Variants in IGSF21 observed in about 807,000 individuals in gnomAD.
The protein encoded by IGSF21 is immunoglobulin superfamily member 21.
Under a neutral mutation model 46.8 loss-of-function variants are expected in IGSF21, and 28 were observed. The observed-to-expected ratio is 0.60, with a 90% confidence interval of 0.44 to 0.82. The LOEUF is 0.82. Among genes scored for constraint, IGSF21 ranks in the 40% least tolerant of loss-of-function variants. The probability of loss-of-function intolerance (pLI) is 0.00; values close to 1 mark genes in which losing one functional copy is unlikely to be tolerated. For synonymous variants in IGSF21, 284 were observed against 273.6 expected (o/e 1.04, Z -0.38); for missense variants, 624 against 665.5 (o/e 0.94, Z 0.69).
At chr1:18,206,320 G>A (rs922430614) in intron 1 of IGSF21, among the ~76,000 whole-genome samples, 2 of 152,124 alleles carry the variant, frequency 1.3e-5, no homozygotes, top group Non-Finnish European at 1.5e-5. Context: ...AGGCTAAGGT[G>A]GGAGTATTGC....
intron 1 of IGSF21, among the ~76,000 whole-genome samples, chr1:18,108,732 G>T (rs1052323952): frequency 2.6e-5 from 4 of 151,936 alleles, no homozygotes. Flanking sequence ...TGTGAGGTTT[G>T]GCGTTTCACG....
intron 1 of IGSF21, among the ~76,000 whole-genome samples, chr1:18,206,671 GGCCTGA>G (rs2084330872): frequency 1.3e-5 from 2 of 152,146 alleles, no homozygotes; most frequent in South Asian, 4.1e-4. Flanking sequence ...GAGCAGAGTG[GGCCTGA>G]GAAAGTGGTA....
intron 6 of IGSF21, among the ~76,000 whole-genome samples, chr1:18,370,529 T>G (rs7514110): frequency 0.75 from 114,664 of 152,146 alleles, 43,309 homozygotes; most frequent in Admixed American, 0.79. Context: ...TTGTGATATT[T>G]GTGTAACAAA....
intron 4 of IGSF21, among the ~76,000 whole-genome samples, chr1:18,349,938 G>A (rs2085934241): frequency 1.3e-5 from 2 of 151,966 alleles, no homozygotes; most frequent in Admixed American, 6.6e-5. Context: ...ATCACACGAC[G>A]AAAATGAGGT....
chr1:18,149,637 T>C (rs147234300), intron 1 of IGSF21, among the ~76,000 whole-genome samples: 1 of 148,086 alleles, frequency 6.8e-6, no homozygotes, highest in East Asian at 2.1e-4. Context: ...CTTGGCCCAA[T>C]AGGTCTTCGT....
intron 4 of IGSF21, 84 bp from the exon 5 acceptor site, chr1:18,362,031 A>G (rs1014109429): frequency 2.2e-6 from 2 of 912,240 alleles, no homozygotes; most frequent in African/African-American, 1.6e-5. Context: ...CCCAGCATGG[A>G]CGTGGCCCAT....
intron 2 of IGSF21, among the ~76,000 whole-genome samples, chr1:18,249,996 C>A (rs1050921898): frequency 6.6e-6 from 1 of 151,958 alleles, no homozygotes; most frequent in Non-Finnish European, 1.5e-5. Context: ...ACGGAGGAGG[C>A]AGTTGGGGCC....
At chr1:18,125,998 A>G (rs1022582195) in intron 1 of IGSF21, among the ~76,000 whole-genome samples, 2 of 152,190 alleles carry the variant, frequency 1.3e-5, no homozygotes, top group Non-Finnish European at 2.9e-5. Flanking sequence ...GAGGCTTGCT[A>G]TCAGGGAGGA....
chr1:18,228,055 G>A, intron 2 of IGSF21, 45 bp downstream of exon 2: 2 of 1,452,200 alleles, frequency 1.4e-6, no homozygotes, highest in Non-Finnish European at 1.9e-6. Flanking sequence ...GCCAGGACTG[G>A]TGTGAGGTCC....
At chr1:18,253,423 G>A (rs768222901) in intron 2 of IGSF21, among the ~76,000 whole-genome samples, 31 of 152,210 alleles carry the variant, frequency 2.0e-4, no homozygotes, top group Non-Finnish European at 3.4e-4. Context: ...CCCAGGATGG[G>A]CCACAGCCCA....
chr1:18,120,742 AG>A (rs1248130705), intron 1 of IGSF21, among the ~76,000 whole-genome samples: 2 of 152,180 alleles, frequency 1.3e-5, no homozygotes. Flanking sequence ...TTAGGGTACA[AG>A]GTGGAACTGG....
chr1:18,232,435 A>G (rs2084637529), intron 2 of IGSF21, among the ~76,000 whole-genome samples: 1 of 152,154 alleles, frequency 6.6e-6, no homozygotes, highest in African/African-American at 2.4e-5. Context: ...AGCCTTTACT[A>G]TGTGTGAGCA....
chr1:18,216,590 G>C (rs894746526), intron 1 of IGSF21, among the ~76,000 whole-genome samples: 6 of 152,150 alleles, frequency 3.9e-5, no homozygotes, highest in African/African-American at 1.4e-4. Context: ...TTGGTGCAGA[G>C]TGGAGTGAAA....
At chr1:18,287,292 A>T (rs1261741678) in intron 2 of IGSF21, among the ~76,000 whole-genome samples, 2 of 152,040 alleles carry the variant, frequency 1.3e-5, no homozygotes, top group African/African-American at 4.8e-5. Context: ...ACTACTTGGG[A>T]GGCTGAGGCA....
At chr1:18,371,952 A>T (rs1173585096) in intron 6 of IGSF21, among the ~76,000 whole-genome samples, 1 of 152,230 alleles carries the variant, frequency 6.6e-6, no homozygotes, top group Non-Finnish European at 1.5e-5. Context: ...GGCTTGAACA[A>T]TTCATTCTTC....
intron 1 of IGSF21, among the ~76,000 whole-genome samples, chr1:18,206,133 G>A (rs1156434764): frequency 1.3e-5 from 2 of 152,236 alleles, no homozygotes; most frequent in Non-Finnish European, 2.9e-5. Context: ...TCAGGATAGA[G>A]AGAGAGGTTA....
chr1:18,260,183 G>A (rs2084933430), intron 2 of IGSF21, among the ~76,000 whole-genome samples: 1 of 152,236 alleles, frequency 6.6e-6, no homozygotes, highest in African/African-American at 2.4e-5. Flanking sequence ...GTGGAGAGGG[G>A]CAAACAGGAG....
chr1:18,262,158 A>G (rs2084952848), intron 2 of IGSF21, among the ~76,000 whole-genome samples: 1 of 152,182 alleles, frequency 6.6e-6, no homozygotes, highest in African/African-American at 2.4e-5. Context: ...CGTACTTTGA[A>G]TAGCAGTGTA....
chr1:18,200,421 GGGC>G (rs2087060346), intron 1 of IGSF21, among the ~76,000 whole-genome samples: 2 of 152,076 alleles, frequency 1.3e-5, no homozygotes, highest in Non-Finnish European at 2.9e-5. Context: ...AGGTGTGGGT[GGGC>G]CACACTCCCT....
Sources: gnomAD v4.1 joint callset for allele counts (sites outside exome capture counted in the v4.1 genomes callset) on GRCh38, gnomAD v4.1.1 for gene constraint, MANE v1.5 for transcripts, NCBI Gene and HGNC (gene_info 2026-07-23, HGNC 2026-07-21) for gene names.